Variants in LRP6 observed in about 807,000 individuals in gnomAD.
The protein encoded by LRP6 is low-density lipoprotein receptor-related protein 6.
In LRP6, 43 loss-of-function variants were observed where a neutral mutation model predicts 184.1. That is an observed-to-expected ratio of 0.23 (90% CI 0.18 to 0.30). The LOEUF (loss-of-function observed/expected upper bound fraction) is 0.30. Among genes scored for constraint, LRP6 ranks in the 10% least tolerant of loss-of-function variants. The pLI, the probability that LRP6 is intolerant of heterozygous loss-of-function variation, is 1.00. For missense variants in LRP6, 1,571 were observed against 2,005.3 expected (o/e 0.78, Z 4.14); for synonymous variants, 719 against 684.9 (o/e 1.05, Z -0.78).
intron 2 of LRP6, among the ~76,000 whole-genome samples, chr12:12,217,236 A>G (rs928699627): frequency 8.5e-5 from 13 of 152,270 alleles, no homozygotes; most frequent in Admixed American, 7.2e-4. Context: ...TTAGATTCTC[A>G]TAAGAGCATA....
At chr12:12,239,706 T>C (rs1004178272) in intron 2 of LRP6, among the ~76,000 whole-genome samples, 2 of 151,660 alleles carry the variant, frequency 1.3e-5, no homozygotes, top group Admixed American at 1.3e-4. Context: ...GAGGAAGGTA[T>C]CCTTTTCTTT....
At chr12:12,228,135 C>CCAAGG (rs1864677836) in intron 2 of LRP6, among the ~76,000 whole-genome samples, 2 of 152,236 alleles carry the variant, frequency 1.3e-5, no homozygotes, top group African/African-American at 4.8e-5. Flanking sequence ...ATTTGGGAGG[C>CCAAGG]CAAGGCAGGG....
chr12:12,204,231 A>G (rs2137044900), intron 2 of LRP6, among the ~76,000 whole-genome samples: 1 of 148,506 alleles, frequency 6.7e-6, no homozygotes. Context: ...TCAAGTCGAG[A>G]GACACTACAA....
intron 2 of LRP6, among the ~76,000 whole-genome samples, chr12:12,218,485 T>C (rs942674471): frequency 1.0e-4 from 6 of 58,346 alleles, no homozygotes; most frequent in Non-Finnish European, 3.4e-4. Flanking sequence ...TCAATAATAA[T>C]AATAATAATA....
chr12:12,255,971 A>G (rs946642052), intron 1 of LRP6, among the ~76,000 whole-genome samples: 2 of 152,176 alleles, frequency 1.3e-5, no homozygotes, highest in African/African-American at 2.4e-5. Flanking sequence ...CAAAGTCATC[A>G]GCATCTCTTT....
rs1262502133 is a variant in LRP6, at chr12:12,116,056, C to A, written c.*5070G>T. On this transcript the variant is annotated 3_prime_UTR_variant, in exon 23 of 23. Transcript: ENST00000261349. ...TTTTCCACTGTTTTATTACAAAAAT[C>A]AAATTTCATTTGTTACAATTCAGCT... 2.0e-5 allele frequency: 3 copies of A among 152,144 alleles called. No homozygotes were observed. The highest frequency in any genetic ancestry group is 7.2e-5 in the African/African-American group (3 of 41,432). The allele number at this position is 152,144 out of a possible 1,614,324, so 9.4% of individuals were successfully genotyped here. A position where few individuals can be genotyped will look rare whatever the true frequency, so the allele number is the denominator to read the frequency against.
intron 2 of LRP6, among the ~76,000 whole-genome samples, chr12:12,232,660 T>C (rs574745416): frequency 1.4e-3 from 201 of 148,648 alleles, no homozygotes; most frequent in African/African-American, 4.5e-3. Context: ...ATTATAAATA[T>C]TTAAATGATG....
At chr12:12,191,171 T>C (rs1233264544) in intron 3 of LRP6, among the ~76,000 whole-genome samples, 1 of 152,184 alleles carries the variant, frequency 6.6e-6, no homozygotes, top group Non-Finnish European at 1.5e-5. Flanking sequence ...ATACAATGAA[T>C]TCATCGTCAG....
chr12:12,142,941 A>C (rs1469732346), intron 15 of LRP6, among the ~76,000 whole-genome samples: 1 of 152,160 alleles, frequency 6.6e-6, no homozygotes, highest in African/African-American at 2.4e-5. Flanking sequence ...CATCCTATTC[A>C]ACACTGTACT....
chr12:12,249,477 G>C (rs202041147), intron 1 of LRP6: 18 of 667,184 alleles, frequency 2.7e-5, no homozygotes, highest in East Asian at 1.5e-4. Flanking sequence ...TAATCGAAAA[G>C]AAAAACCACA....
At chr12:12,245,697 A>C (rs775153612) in intron 1 of LRP6, among the ~76,000 whole-genome samples, 4 of 152,202 alleles carry the variant, frequency 2.6e-5, no homozygotes, top group Non-Finnish European at 5.9e-5. Context: ...ACTAAATATA[A>C]AGCCAATCTT....
intron 22 of LRP6, 131 bp from the exon 23 acceptor site, chr12:12,121,551 G>T: frequency 1.2e-6 from 1 of 816,520 alleles, no homozygotes; most frequent in Non-Finnish European, 2.0e-6. Context: ...AATTTACACA[G>T]ACCAAGAGGC....
intron 2 of LRP6, among the ~76,000 whole-genome samples, chr12:12,204,414 G>A (rs1217158077): frequency 1.3e-5 from 2 of 151,574 alleles, no homozygotes; most frequent in South Asian, 4.2e-4. Flanking sequence ...TATGATCACT[G>A]GGGAGAAAAG....
chr12:12,253,594 G>C (rs1452840537), intron 1 of LRP6, among the ~76,000 whole-genome samples: 2 of 125,140 alleles, frequency 1.6e-5, no homozygotes, highest in Non-Finnish European at 3.2e-5. Context: ...CCCACAACAG[G>C]ACCTGGTGTG....
chr12:12,125,979 T>C (rs961793552), intron 20 of LRP6, among the ~76,000 whole-genome samples: 11 of 152,214 alleles, frequency 7.2e-5, no homozygotes, highest in Non-Finnish European at 1.0e-4. Context: ...AACACTACCA[T>C]TAACAGTTTA....
chr12:12,136,187 T>C (rs1949836785), intron 16 of LRP6, among the ~76,000 whole-genome samples: 1 of 151,814 alleles, frequency 6.6e-6, no homozygotes, highest in Non-Finnish European at 1.5e-5. Context: ...ACTCCATCTC[T>C]ACAAAAAACA....
At chr12:12,215,958 G>A (rs1864333190) in intron 2 of LRP6, among the ~76,000 whole-genome samples, 1 of 152,068 alleles carries the variant, frequency 6.6e-6, no homozygotes, top group South Asian at 2.1e-4. Context: ...GTTGCAGTGA[G>A]CCAAGATGGG....
intron 20 of LRP6, 67 bp downstream of exon 20, chr12:12,126,624 C>G (rs747449338): frequency 1.3e-5 from 16 of 1,239,858 alleles, no homozygotes; most frequent in Admixed American, 1.7e-5. Flanking sequence ...GTATTCTTTT[C>G]CACAATGGAA....
intron 4 of LRP6, among the ~76,000 whole-genome samples, chr12:12,186,239 C>T (rs1863470879): frequency 6.6e-6 from 1 of 152,266 alleles, no homozygotes; most frequent in Admixed American, 6.5e-5. Context: ...TGTGTATAAG[C>T]CTAGCATATA....
Sources: gnomAD v4.1 joint callset for allele counts (sites outside exome capture counted in the v4.1 genomes callset) on GRCh38, gnomAD v4.1.1 for gene constraint, MANE v1.5 for transcripts, NCBI Gene and HGNC (gene_info 2026-07-23, HGNC 2026-07-21) for gene names.